Variants in SCHIP1 observed in about 807,000 individuals in gnomAD.
The protein encoded by SCHIP1 is schwannomin interacting protein 1.
Under a neutral mutation model 29.7 loss-of-function variants are expected in SCHIP1, and 8 were observed. The observed-to-expected ratio is 0.27, with a 90% CI of 0.16 to 0.49. The LOEUF (loss-of-function observed/expected upper bound fraction) is 0.49, where lower values mean the gene tolerates loss of function less well. Among genes scored for constraint, SCHIP1 ranks in the 20% least tolerant of loss-of-function variants. The pLI is 0.99. For missense variants in SCHIP1, 193 were observed against 294.6 expected, an observed-to-expected ratio of 0.66 and a Z score of 2.52; for synonymous variants, 76 against 94.9, an observed-to-expected ratio of 0.80 and a Z score of 1.16.
At chr3:159,349,536 C>T in the SCHIP1 span, among the ~76,000 whole-genome samples, 2 of 152,172 alleles carry the variant, frequency 1.3e-5, no homozygotes, top group East Asian at 1.9e-4. Context: ...ATGTCAAAAA[C>T]TCACCCCACT....
At chr3:159,371,024 A>G in the SCHIP1 span, among the ~76,000 whole-genome samples, 2 of 148,872 alleles carry the variant, frequency 1.3e-5, no homozygotes, top group Admixed American at 6.8e-5. Flanking sequence ...AGAACCCAGA[A>G]TAATATACTG....
chr3:159,509,991 T>A, the SCHIP1 span, among the ~76,000 whole-genome samples: 1 of 152,148 alleles, frequency 6.6e-6, no homozygotes, highest in Non-Finnish European at 1.5e-5. Context: ...ATTCTCTGTA[T>A]TTCCTGAATT....
the SCHIP1 span, among the ~76,000 whole-genome samples, chr3:159,337,381 C>G: frequency 6.6e-6 from 1 of 152,086 alleles, no homozygotes; most frequent in Non-Finnish European, 1.5e-5. Flanking sequence ...AAAGCACATT[C>G]AATTAGGAAA....
At chr3:159,309,100 A>G in the SCHIP1 span, 1 of 162,736 alleles carries the variant, frequency 6.1e-6, no homozygotes, top group Non-Finnish European at 1.3e-5. Flanking sequence ...TTCCCATGTG[A>G]CAAATCTGCA....
At chr3:159,500,342 TTAAA>T in the SCHIP1 span, among the ~76,000 whole-genome samples, 1 of 152,168 alleles carries the variant, frequency 6.6e-6, no homozygotes, top group African/African-American at 2.4e-5. Flanking sequence ...TTGACATTCC[TTAAA>T]TAGTTAGCTT....
At chr3:159,724,173 TCTC>T in the SCHIP1 span, among the ~76,000 whole-genome samples, 1 of 152,382 alleles carries the variant, frequency 6.6e-6, no homozygotes, top group South Asian at 2.1e-4. Flanking sequence ...TTGTATTTCT[TCTC>T]TTATTGATTG....
the SCHIP1 span, among the ~76,000 whole-genome samples, chr3:159,516,630 C>T: frequency 6.6e-6 from 1 of 152,092 alleles, no homozygotes; most frequent in Admixed American, 6.5e-5. Context: ...CTCATCTATC[C>T]CAAGATCTCC....
the SCHIP1 span, among the ~76,000 whole-genome samples, chr3:159,598,186 C>T: frequency 1.3e-5 from 2 of 152,140 alleles, no homozygotes; most frequent in East Asian, 1.9e-4. Context: ...AAACCATATT[C>T]TGCCCCTGGC....
chr3:159,793,381 C>T, the SCHIP1 span, among the ~76,000 whole-genome samples: 1 of 152,168 alleles, frequency 6.6e-6, no homozygotes, highest in Non-Finnish European at 1.5e-5. Flanking sequence ...GTCTGTTGGC[C>T]ATTTTCTTGC....
chr3:159,285,593 T>G, the SCHIP1 span, among the ~76,000 whole-genome samples: 1 of 152,126 alleles, frequency 6.6e-6, no homozygotes, highest in African/African-American at 2.4e-5. Context: ...CATTGCTTTT[T>G]TTGTTTCTCA....
chr3:159,601,681 G>C, the SCHIP1 span, among the ~76,000 whole-genome samples: 1 of 152,198 alleles, frequency 6.6e-6, no homozygotes, highest in African/African-American at 2.4e-5. Flanking sequence ...CCCAGACAGG[G>C]AGTTCTTGGG....
chr3:159,465,271 C>T, the SCHIP1 span, among the ~76,000 whole-genome samples: 3 of 151,410 alleles, frequency 2.0e-5, no homozygotes, highest in South Asian at 2.1e-4. Context: ...TTTTAATGTG[C>T]ATTGTAATGC....
chr3:159,675,061 T>C, the SCHIP1 span, among the ~76,000 whole-genome samples: 1 of 152,128 alleles, frequency 6.6e-6, no homozygotes, highest in Non-Finnish European at 1.5e-5. Context: ...TGCTTCAGAG[T>C]CAAGCTTCAG....
the SCHIP1 span, among the ~76,000 whole-genome samples, chr3:159,633,671 G>T: frequency 6.6e-6 from 1 of 152,226 alleles, no homozygotes; most frequent in East Asian, 1.9e-4. Context: ...AAACTCAAGT[G>T]CACAAGCAAG....
the SCHIP1 span, among the ~76,000 whole-genome samples, chr3:159,278,405 C>T: frequency 6.6e-6 from 1 of 152,026 alleles, no homozygotes; most frequent in Non-Finnish European, 1.5e-5. Context: ...GAGAAAAAAG[C>T]AGAACTGGAG....
chr3:159,614,480 G>C, the SCHIP1 span, among the ~76,000 whole-genome samples: 1 of 152,044 alleles, frequency 6.6e-6, no homozygotes, highest in African/African-American at 2.4e-5. Flanking sequence ...CACCCCGTGT[G>C]TGGGTCACAG....
At chr3:159,808,784 C>T in the SCHIP1 span, among the ~76,000 whole-genome samples, 1 of 151,886 alleles carries the variant, frequency 6.6e-6, no homozygotes, top group Admixed American at 6.6e-5. Flanking sequence ...AAGCTAATTA[C>T]CCCCCTCTAC....
the SCHIP1 span, among the ~76,000 whole-genome samples, chr3:159,585,925 C>T: frequency 6.6e-6 from 1 of 152,082 alleles, no homozygotes; most frequent in Non-Finnish European, 1.5e-5. Context: ...TTCATCATCC[C>T]TACCTACCTA....
At chr3:159,813,688 A>G in the SCHIP1 span, among the ~76,000 whole-genome samples, 1 of 131,670 alleles carries the variant, frequency 7.6e-6, no homozygotes, top group Non-Finnish European at 1.5e-5. Flanking sequence ...ACGCTATCTC[A>G]AAAAAAAAAG....
Sources: allele counts gnomAD v4.1 joint callset (sites outside exome capture counted in the v4.1 genomes callset), GRCh38; gene constraint gnomAD v4.1.1; transcripts MANE v1.5; gene names NCBI Gene and HGNC (gene_info 2026-07-23, HGNC 2026-07-21).